Variants in NCOR2 observed in about 807,000 individuals in gnomAD.
NCOR2 encodes CTG repeat protein 26.
In NCOR2, 81 loss-of-function variants were observed where a neutral mutation model predicts 262.9. That is an observed-to-expected ratio of 0.31 (90% CI 0.26 to 0.37). NCOR2 has a LOEUF of 0.37. Ranked by LOEUF, NCOR2 falls within the 10% of genes least tolerant of loss-of-function variation. The probability of loss-of-function intolerance (pLI) is 1.00; values close to 1 mark genes in which losing one functional copy is unlikely to be tolerated. For missense variants in NCOR2, 3,385 were observed against 3,621.4 expected (o/e 0.93, Z 1.68); for synonymous variants, 1,659 against 1,559.3 (o/e 1.06, Z -1.51).
chr12:124,542,777 G>A (rs1056765971), intron 1 of NCOR2: 1 of 152,278 alleles, frequency 6.6e-6, no homozygotes, highest in African/African-American at 2.4e-5. Flanking sequence ...CTTCCCACAC[G>A]GGGTGAACAA....
rs991660701 is a variant in NCOR2, at chr12:124,376,074, G to A, written c.2168-1611C>T. Among the ~76,000 whole-genome samples, 10 of 152,308 alleles carry A rather than the reference G, an allele frequency of 6.6e-5. No individual in the cohort carries two copies. The South Asian group carries it at 1.0e-3, about 16-fold the overall frequency. On this transcript the variant is annotated intron_variant, in intron 18 of 46. Coordinates refer to ENST00000405201, the Ensembl canonical transcript of NCOR2. Reference sequence around the variant, plus strand: ...TGTGCTGGGACACCCCATGGGAGGGGTTCTCCTCTCCCCTGGGCTCCTCGT... The same window carrying A: ...TGTGCTGGGACACCCCATGGGAGGGATTCTCCTCTCCCCTGGGCTCCTCGT...
At chr12:124,417,803 G>A (rs1198992605) in intron 13 of NCOR2, among the ~76,000 whole-genome samples, 1 of 152,176 alleles carries the variant, frequency 6.6e-6, no homozygotes, top group Admixed American at 6.5e-5. Context: ...GCTCATGCCT[G>A]TAATCCCAGC....
intron 1 of NCOR2, among the ~76,000 whole-genome samples, chr12:124,490,217 G>A (rs1460124494): frequency 1.3e-5 from 2 of 152,102 alleles, no homozygotes; most frequent in Non-Finnish European, 2.9e-5. Context: ...TTCTCAGTGA[G>A]GCTCCTCCCC....
Position 124,566,106 on chromosome 12 carries a change from C to T in NCOR2, c.-165+1202G>A, listed in dbSNP as rs2052228665. Among the ~76,000 whole-genome samples the T allele has an allele frequency of 6.6e-6, 1 of 152,198 alleles. No homozygotes were observed. The highest frequency in any genetic ancestry group is 2.4e-5 in the African/African-American group (1 of 41,454). On this transcript the variant is annotated intron_variant, in intron 1 of 32. Transcript: ENST00000458234. This position sits in a 1 kb window ranked among gnomAD's most constrained non-coding sequence, Gnocchi z 4.3. ...ACTCCCCCACCCCGCCCACAGGGTCCTCCCCTTATCCCCTCCTCCCCTCTT... is the reference window on the plus strand; with the variant it reads ...ACTCCCCCACCCCGCCCACAGGGTCTTCCCCTTATCCCCTCCTCCCCTCTT...
intron 6 of NCOR2, among the ~76,000 whole-genome samples, chr12:124,451,549 CTGTG>C (rs568707620): frequency 4.0e-5 from 6 of 148,788 alleles, no homozygotes; most frequent in South Asian, 2.2e-4. Flanking sequence ...GCCTGAGTCT[CTGTG>C]TGTGTGTGTG....
chr12:124,340,523 C>A, intron 35 of NCOR2, 79 bp downstream of exon 37: 1 of 1,560,154 alleles, frequency 6.4e-7, no homozygotes, highest in Non-Finnish European at 8.7e-7. Context: ...GGAAAGAGAG[C>A]AGGGCTTCTG....
intron 1 of NCOR2, among the ~76,000 whole-genome samples, chr12:124,553,375 C>T (rs2051775927): frequency 6.6e-6 from 1 of 152,240 alleles, no homozygotes; most frequent in Non-Finnish European, 1.5e-5. Flanking sequence ...AGAATTAGGA[C>T]ATCGTTCGGG....
intron 1 of NCOR2, among the ~76,000 whole-genome samples, chr12:124,488,242 G>A (rs1482705836): frequency 6.6e-6 from 1 of 152,188 alleles, no homozygotes; most frequent in Non-Finnish European, 1.5e-5. Context: ...GAGCCCGGGA[G>A]CCCAGAGGCC....
At chr12:124,355,823 CT>C (rs1205677881) in intron 23 of NCOR2, among the ~76,000 whole-genome samples, 1 of 152,216 alleles carries the variant, frequency 6.6e-6, no homozygotes, top group Admixed American at 6.5e-5. Flanking sequence ...CAACTCTCAT[CT>C]GGATCCCCTG....
intron 1 of NCOR2, among the ~76,000 whole-genome samples, chr12:124,501,060 G>GCACACACACA (rs1190699563): frequency 2.1e-5 from 1 of 48,762 alleles, no homozygotes; most frequent in East Asian, 5.6e-4. Context: ...GCGCGCACGC[G>GCACACACACA]CGCACACACA....
upstream of NCOR2, among the ~76,000 whole-genome samples, chr12:124,536,340 A>G (rs2051113173): frequency 6.6e-6 from 1 of 152,186 alleles, no homozygotes; most frequent in South Asian, 2.1e-4. Context: ...GGCCTCCCAA[A>G]GTGCTAGGAT....
chr12:124,429,504 G>T, intron 10 of NCOR2, 109 bp downstream of exon 12: 1 of 1,192,736 alleles, frequency 8.4e-7, no homozygotes, highest in Non-Finnish European at 1.2e-6. Flanking sequence ...CGGTGGCAAA[G>T]CCCCTCGACG....
chr12:124,352,809 C>T (rs186714992), intron 27 of NCOR2, among the ~76,000 whole-genome samples: 177 of 152,354 alleles, frequency 1.2e-3, no homozygotes, highest in Non-Finnish European at 1.8e-3. Flanking sequence ...GTTTGCATAA[C>T]GTCTGCTTCC....
rs1363018363 is a variant in NCOR2, at chr12:124,503,617, T to TGGACGGAC, written c.-117-8250_-117-8249insGTCCGTCC. On this transcript the variant is annotated intron_variant, in intron 1 of 46. Coordinates refer to the NCOR2 transcript ENST00000404621. This position sits in a 1 kb window ranked among gnomAD's most constrained non-coding sequence, Gnocchi z 4.3. The stretch of plus-strand genomic sequence containing the variant: ...ATGGATGGATGGACGGACGGACGGA[T>TGGACGGAC]GGATGGATGGATGGATGGGCGAATG... Among the ~76,000 whole-genome samples, 1 of 136,942 alleles carries TGGACGGAC rather than the reference T, an allele frequency of 7.3e-6. No homozygotes were observed. The highest frequency in any genetic ancestry group is 1.6e-5 in the Non-Finnish European group (1 of 62,728). 89.8% of individuals were successfully genotyped at this position (136,942 alleles called of 152,430 possible).
chr12:124,537,064 T>C (rs963653635), upstream of NCOR2, among the ~76,000 whole-genome samples: 4 of 152,316 alleles, frequency 2.6e-5, no homozygotes, highest in African/African-American at 9.6e-5. Flanking sequence ...GGTTCCACGA[T>C]AGGATTCTGG....
At chr12:124,495,566 T>A (rs1436959346), upstream of NCOR2, among the ~76,000 whole-genome samples, 1 of 151,964 alleles carries the variant, frequency 6.6e-6, no homozygotes, top group Non-Finnish European at 1.5e-5. The surrounding 1 kb of genome is among the most constrained non-coding windows in gnomAD (Gnocchi z 4.4). Flanking sequence ...TCAAGGTCCC[T>A]CCGAGCCATG....
chr12:124,448,112 G>C (rs1353621180), intron 7 of NCOR2, among the ~76,000 whole-genome samples: 2 of 152,218 alleles, frequency 1.3e-5, no homozygotes, highest in African/African-American at 4.8e-5. Flanking sequence ...CCTAGAACGG[G>C]ACCTGACACA....
In NCOR2 at chr12:124,373,857, C is replaced by T. The variant is rs185893013; in HGVS notation, c.2218+556G>A. On this transcript the variant is annotated intron_variant, in intron 19 of 46. Coordinates refer to ENST00000405201, the Ensembl canonical transcript of NCOR2. ...ACGGTGGACAATCATGAGGCCAGTG[C>T]GTGCGCAGGGGCCCCGGGCACGGTG... Among the ~76,000 whole-genome samples the T allele has an allele frequency of 1.2e-3, 167 of 144,140 alleles. 7 individuals are homozygous for T. Among genetic ancestry groups the T allele is most frequent in the African/African-American group, 3.5e-3 (133 of 37,562 alleles). The allele number at this position is 144,140 out of a possible 152,430, so 94.6% of individuals were successfully genotyped here.
intron 17 of NCOR2, among the ~76,000 whole-genome samples, chr12:124,380,920 G>A (rs763190364): frequency 1.8e-4 from 28 of 152,216 alleles, no homozygotes; most frequent in Non-Finnish European, 3.5e-4. Flanking sequence ...GTGGGATCAG[G>A]AGGTGTGTGT....
Sources: allele counts gnomAD v4.1 joint callset (sites outside exome capture counted in the v4.1 genomes callset), GRCh38; gene constraint gnomAD v4.1.1; non-coding constraint Gnocchi (gnomAD v3.1); transcripts MANE v1.5; gene names NCBI Gene and HGNC (gene_info 2026-07-23, HGNC 2026-07-21).